SLC25A21: variants seen among roughly 807,000 people sequenced by gnomAD.
The protein encoded by SLC25A21 is solute carrier family 25 member 21.
In SLC25A21, 47 loss-of-function variants were observed where a neutral mutation model predicts 43.8. The ratio of observed to expected loss-of-function variants is 1.07; its 90% confidence interval spans 0.85 to 1.37. The LOEUF is 1.37. Ranked by LOEUF, SLC25A21 falls within the 40% of genes most tolerant of loss-of-function variation. The probability of loss-of-function intolerance (pLI) is 0.00; values close to 1 mark genes in which losing one functional copy is unlikely to be tolerated. For missense variants in SLC25A21, 352 were observed against 350.2 expected (o/e 1.00, Z -0.04); for synonymous variants, 131 against 121.3 (o/e 1.08, Z -0.52).
chr14:36,901,024 T>G (rs1056433709), intron 1 of SLC25A21, among the ~76,000 whole-genome samples: 4 of 152,154 alleles, frequency 2.6e-5, no homozygotes, highest in Admixed American at 2.0e-4. Flanking sequence ...TGCTATATAT[T>G]ACAGAACAGC....
At position 36,680,408 on chromosome 14, in the gene SLC25A21, A is replaced by G; in HGVS notation, c.*250T>C. On this transcript the variant is annotated 3_prime_UTR_variant, in exon 10 of 10. Transcript: ENST00000331299. Reference sequence around the variant, plus strand: ...GAAATAAATATATGATTTCTATGCTATTTTTCTATATTCACTTTAAATACC... The same window carrying G: ...GAAATAAATATATGATTTCTATGCTGTTTTTCTATATTCACTTTAAATACC... 4 of 1,110,958 alleles carry G rather than the reference A, an allele frequency of 3.6e-6. No individual in the cohort carries two copies. The highest frequency in any genetic ancestry group is 4.4e-6 in the Non-Finnish European group (4 of 903,498). 68.8% of individuals were successfully genotyped at this position (1,110,958 alleles called of 1,614,324 possible). A position where few individuals can be genotyped will look rare whatever the true frequency, so the allele number is the denominator to read the frequency against.
chr14:37,153,523 G>A (rs956204405), intron 1 of SLC25A21, among the ~76,000 whole-genome samples: 2 of 152,200 alleles, frequency 1.3e-5, no homozygotes, highest in Non-Finnish European at 2.9e-5. Context: ...CAGCTGGGGT[G>A]GGGGAACAAG....
intron 4 of SLC25A21, among the ~76,000 whole-genome samples, chr14:36,734,074 T>G (rs1884936290): frequency 6.6e-6 from 1 of 152,130 alleles, no homozygotes; most frequent in South Asian, 2.1e-4. Flanking sequence ...TAAAGAAATA[T>G]GGTATATTGG....
intron 1 of SLC25A21, among the ~76,000 whole-genome samples, chr14:37,168,219 C>T (rs1349824020): frequency 6.6e-6 from 1 of 152,030 alleles, no homozygotes; most frequent in Non-Finnish European, 1.5e-5. Flanking sequence ...CAATGCTGGT[C>T]TTTGTTGATC....
intron 1 of SLC25A21, among the ~76,000 whole-genome samples, chr14:36,932,297 A>G (rs1892315700): frequency 6.6e-6 from 1 of 152,146 alleles, no homozygotes; most frequent in South Asian, 2.1e-4. Flanking sequence ...CAATGGCTCC[A>G]TAAGTCAGAG....
chr14:36,868,693 A>T (rs1308389861), intron 2 of SLC25A21, among the ~76,000 whole-genome samples: 1 of 152,168 alleles, frequency 6.6e-6, no homozygotes, highest in Non-Finnish European at 1.5e-5. Flanking sequence ...CCCTTCAAAA[A>T]CGACAGTATG....
chr14:37,128,520 G>GTCTCTCTC (rs539530734), intron 1 of SLC25A21, among the ~76,000 whole-genome samples: 16 of 134,584 alleles, frequency 1.2e-4, no homozygotes, highest in Middle Eastern at 3.6e-3. Flanking sequence ...ATTACTTTCT[G>GTCTCTCTC]TCTCTCTCTC....
At chr14:36,948,578 C>T (rs1404369433) in intron 1 of SLC25A21, among the ~76,000 whole-genome samples, 2 of 152,034 alleles carry the variant, frequency 1.3e-5, no homozygotes, top group African/African-American at 4.8e-5. Context: ...CATTAAAAAG[C>T]AGAGTACAGT....
chr14:36,953,749 G>T (rs1482815499), intron 1 of SLC25A21, among the ~76,000 whole-genome samples: 3 of 152,084 alleles, frequency 2.0e-5, no homozygotes, highest in Admixed American at 6.5e-5. Flanking sequence ...GTATAAATCT[G>T]TCACTTCGGA....
chr14:37,043,333 C>T (rs1241415228), intron 1 of SLC25A21, among the ~76,000 whole-genome samples: 1 of 152,162 alleles, frequency 6.6e-6, no homozygotes, highest in Admixed American at 6.5e-5. Flanking sequence ...TCTTGAAGAA[C>T]TCCCCAGAAT....
chr14:36,757,291 C>CT (rs1885972501), intron 3 of SLC25A21, among the ~76,000 whole-genome samples: 1 of 151,886 alleles, frequency 6.6e-6, no homozygotes, highest in Non-Finnish European at 1.5e-5. Flanking sequence ...GAAATAATTA[C>CT]AAAAAAGTAC....
chr14:37,039,851 A>T (rs748266852), intron 1 of SLC25A21, among the ~76,000 whole-genome samples: 43 of 152,072 alleles, frequency 2.8e-4, no homozygotes, highest in Non-Finnish European at 3.5e-4. Flanking sequence ...AGACCATGTA[A>T]ATCAGACTTG....
intron 3 of SLC25A21, among the ~76,000 whole-genome samples, chr14:36,788,376 C>T (rs920766530): frequency 2.0e-5 from 3 of 151,498 alleles, no homozygotes; most frequent in East Asian, 1.9e-4. Context: ...CTGAGAACGG[C>T]GGCTGTTATC....
intron 2 of SLC25A21, among the ~76,000 whole-genome samples, chr14:36,819,220 T>C (rs527848659): frequency 6.6e-6 from 1 of 152,304 alleles, no homozygotes; most frequent in African/African-American, 2.4e-5. Flanking sequence ...GCCAAAGGAC[T>C]GCACACACTT....
intron 1 of SLC25A21, among the ~76,000 whole-genome samples, chr14:37,001,126 T>C (rs991033455): frequency 1.3e-5 from 2 of 152,170 alleles, no homozygotes; most frequent in Non-Finnish European, 2.9e-5. Flanking sequence ...ATTTAATATC[T>C]GTCCCTATCC....
At chr14:37,119,312 G>A (rs767806820) in intron 1 of SLC25A21, among the ~76,000 whole-genome samples, 3 of 152,198 alleles carry the variant, frequency 2.0e-5, no homozygotes, top group Non-Finnish European at 2.9e-5. Flanking sequence ...ACTTTGGGAA[G>A]CTGAGGCAGG....
intron 1 of SLC25A21, among the ~76,000 whole-genome samples, chr14:37,051,859 G>A (rs1047040872): frequency 1.3e-5 from 2 of 152,120 alleles, no homozygotes; most frequent in African/African-American, 4.8e-5. Flanking sequence ...TCCCACCAGG[G>A]CCTTCCTATT....
At chr14:37,110,899 T>C (rs17106325) in intron 1 of SLC25A21, among the ~76,000 whole-genome samples, 92 of 152,174 alleles carry the variant, frequency 6.0e-4, no homozygotes, top group African/African-American at 2.0e-3. Flanking sequence ...TGCCAAACCT[T>C]ATTCTATCGC....
chr14:36,916,470 A>G (rs1891835428), intron 1 of SLC25A21, among the ~76,000 whole-genome samples: 1 of 152,174 alleles, frequency 6.6e-6, no homozygotes, highest in Non-Finnish European at 1.5e-5. Context: ...TGTATTTCCA[A>G]CATAGTTTTG....
Sources: gnomAD v4.1 joint callset for allele counts (sites outside exome capture counted in the v4.1 genomes callset) on GRCh38, gnomAD v4.1.1 for gene constraint, MANE v1.5 for transcripts, NCBI Gene and HGNC (gene_info 2026-07-23, HGNC 2026-07-21) for gene names.